The following HMCN2 variants were observed in gnomAD, a reference collection of about 807,000 sequenced individuals.
HMCN2 encodes the protein hemicentin 2.
In HMCN2, 325 loss-of-function variants were observed where a neutral mutation model predicts 377.5. That is an observed-to-expected ratio of 0.86 (90% confidence interval 0.79 to 0.94). HMCN2 has a LOEUF of 0.94. Among genes scored for constraint, HMCN2 ranks in the 40% least tolerant of loss-of-function variants. The pLI, the probability that HMCN2 is intolerant of heterozygous loss-of-function variation, is 0.00. For missense variants in HMCN2, 4,543 were observed against 4,725.3 expected (o/e 0.96, Z 1.13); for synonymous variants, 2,007 against 2,046.8 (o/e 0.98, Z 0.53).
rs781537648 is a variant in HMCN2, at chr9:130,355,762, G to A, written c.5163G>A (p.Leu1721=). Residue 1721 remains leucine, a synonymous_variant, in exon 33 of 98, where the codon CTG becomes CTA. Coordinates refer to ENST00000683500, the MANE Select transcript of HMCN2 (RefSeq NM_001291815.2). ...TGCCTGCAGTGCCCCCACAGCTCCT[G>A]GTGGCTGAAGGCTTGGGACAGGTGA... The part of the protein sequence containing the change: ...SVEVQVPPQL[L]VAEGLGQVTT... The A allele has an allele frequency of 1.5e-5, 19 of 1,303,362 alleles. No homozygotes were observed. The highest frequency in any genetic ancestry group is 1.9e-5 in the Non-Finnish European group (19 of 988,894). 80.7% of individuals were successfully genotyped at this position (1,303,362 alleles called of 1,614,324 possible). A position where few individuals can be genotyped will look rare whatever the true frequency, so the allele number is the denominator to read the frequency against.
intron 4 of HMCN2, among the ~76,000 whole-genome samples, chr9:130,291,192 A>G (rs1294615707): frequency 6.6e-6 from 1 of 152,150 alleles, no homozygotes; most frequent in Non-Finnish European, 1.5e-5. Flanking sequence ...GTCACAGCAT[A>G]CTTGCATACT....
At position 130,430,618 on chromosome 9, in the gene HMCN2, C is replaced by CT. The variant is rs1324451872; in HGVS notation, c.14647+15dup. On this transcript the variant is annotated intron_variant, in intron 95 of 97. Coordinates refer to ENST00000683500, the MANE Select transcript of HMCN2 (RefSeq NM_001291815.2). ...GAGTCTGCACAGGTAAGGCCAGGCC[C>CT]TGACCATCCACGGGACACTGCCGTT... The CT allele has an allele frequency of 6.5e-7, 1 of 1,538,572 alleles. No individual in the cohort carries two copies. The highest frequency in any genetic ancestry group is 2.0e-5 in the Admixed American group (1 of 50,342).
At chr9:130,384,572 A>C in intron 58 of HMCN2, 38 bp downstream of exon 58, 1 of 1,304,022 alleles carries the variant, frequency 7.7e-7, no homozygotes, top group Non-Finnish European at 1.0e-6. Context: ...CTCTAAGGTT[A>C]CATGGGGAGA....
chr9:130,293,790 G>A (rs531548154), intron 4 of HMCN2, among the ~76,000 whole-genome samples: 14 of 152,186 alleles, frequency 9.2e-5, no homozygotes, highest in Non-Finnish European at 1.9e-4. Context: ...AGGCCAGTAA[G>A]GATGAGAAGC....
Position 130,407,400 on chromosome 9 carries a change from G to A in HMCN2, c.12554-171G>A, listed in dbSNP as rs142877215. On this transcript the variant is annotated intron_variant, in intron 82 of 97. Coordinates refer to ENST00000683500, the MANE Select transcript of HMCN2 (RefSeq NM_001291815.2). ...ATGGTAGAAGGCAGGTTCATTAACC[G>A]CAGCCTCCAGTGTGGCCTGTGCCTC... is the stretch of plus-strand genomic sequence containing the variant. The A allele has an allele frequency of 1.3e-4, 55 of 420,868 alleles. 1 individual carries two copies. The highest frequency in any genetic ancestry group is 1.1e-3 in the South Asian group (53 of 47,914). 26.1% of individuals were successfully genotyped at this position (420,868 alleles called of 1,614,324 possible).
chr9:130,327,762 C>T lies in HMCN2; in HGVS notation c.3359+287C>T, dbSNP rs1311675293. ...CTGCACGGCCACCCTTGATATCTAACAGGACACTGACACTCAGCCAGGGAG... is the reference window on the plus strand; with the variant it reads ...CTGCACGGCCACCCTTGATATCTAATAGGACACTGACACTCAGCCAGGGAG... On this transcript the variant is annotated intron_variant, in intron 22 of 97. Coordinates refer to ENST00000683500, the MANE Select transcript of HMCN2 (RefSeq NM_001291815.2). Among the ~76,000 whole-genome samples, 3 of 152,224 alleles carry T rather than the reference C, an allele frequency of 2.0e-5. No homozygotes were observed. In the East Asian group the frequency reaches 5.8e-4, roughly 29 times the overall value.
At chr9:130,298,574 C>A (rs1836295316) in intron 7 of HMCN2, among the ~76,000 whole-genome samples, 1 of 152,136 alleles carries the variant, frequency 6.6e-6, no homozygotes, top group South Asian at 2.1e-4. Flanking sequence ...GTGAAAAGTA[C>A]CACATTTCCA....
Position 130,430,497 on chromosome 9 carries a change from C to A in HMCN2, c.14540C>A (p.Thr4847Asn). Reference protein sequence around the residue: ...WLRPWASIPGTSYHAWVSLRP... With the variant: ...WLRPWASIPGNSYHAWVSLRP... ...CGGCCCTGGGCCTCGATCCCCGGTA[C>A]CTCCTACCACGCCTGGGTCTCTCTC... Residue 4847 changes from threonine to asparagine, a missense_variant, in exon 95 of 98, where the codon ACC (threonine) becomes AAC (asparagine). Around this residue, in one of 5 missense-constraint regions of HMCN2, gnomAD observed 1,155 missense variants for 1,157.7 expected, o/e 1.00. Coordinates refer to ENST00000683500, the MANE Select transcript of HMCN2 (RefSeq NM_001291815.2). 3 of 1,550,592 alleles carry A rather than the reference C, an allele frequency of 1.9e-6. No individual in the cohort carries two copies. The highest frequency in any genetic ancestry group is 2.6e-6 in the Non-Finnish European group (3 of 1,146,964).
chr9:130,395,495 G>A (rs772800365), intron 71 of HMCN2, 148 bp downstream of exon 71: 31 of 658,426 alleles, frequency 4.7e-5, no homozygotes, highest in East Asian at 7.2e-5. Flanking sequence ...CATACCCCCC[G>A]CCATTGTCAT....
At position 130,399,764 on chromosome 9, in the gene HMCN2, G is replaced by T. The variant is rs1332101149; in HGVS notation, c.11605+132G>T. 7 of 556,690 alleles carry T rather than the reference G, an allele frequency of 1.3e-5. No individual in the cohort carries two copies. The South Asian group carries it at 1.4e-4, about 11-fold the overall frequency. The allele number at this position is 556,690 out of a possible 1,614,324, so 34.5% of individuals were successfully genotyped here. A position where few individuals can be genotyped will look rare whatever the true frequency, so the allele number is the denominator to read the frequency against. ...TGCACTGGACACCTCCTCCAGGAAG[G>T]TCTCTCAGATCCTGCTGGGCCACAC... On this transcript the variant is annotated intron_variant, in intron 76 of 97. Coordinates refer to ENST00000683500, the MANE Select transcript of HMCN2 (RefSeq NM_001291815.2).
intron 22 of HMCN2, among the ~76,000 whole-genome samples, chr9:130,328,301 T>C (rs1838254608): frequency 6.6e-6 from 1 of 152,108 alleles, no homozygotes; most frequent in Non-Finnish European, 1.5e-5. Context: ...GCTGCAGCTC[T>C]ATGTTGTAGG....
chr9:130,429,311 G>A lies in HMCN2; in HGVS notation c.14198-246G>A, dbSNP rs115395216. On this transcript the variant is annotated intron_variant, in intron 93 of 97. Coordinates refer to ENST00000683500, the MANE Select transcript of HMCN2 (RefSeq NM_001291815.2). Reference sequence around the variant, plus strand: ...AGGGCTAGAATATGGAGAGCTCAGCGGAACCCAGGACTCTGCCCACAAAGG... The same window carrying A: ...AGGGCTAGAATATGGAGAGCTCAGCAGAACCCAGGACTCTGCCCACAAAGG... The A allele has an allele frequency of 1.5e-3, 846 of 552,552 alleles. 2 individuals carry two copies. The highest frequency in any genetic ancestry group is 0.015 in the African/African-American group (800 of 52,538). The allele number at this position is 552,552 out of a possible 1,614,324, so 34.2% of individuals were successfully genotyped here. A position where few individuals can be genotyped will look rare whatever the true frequency, so the allele number is the denominator to read the frequency against.
At chr9:130,285,494 G>A (rs1835371913) in intron 3 of HMCN2, among the ~76,000 whole-genome samples, 178 bp downstream of exon 3, 1 of 152,222 alleles carries the variant, frequency 6.6e-6, no homozygotes, top group South Asian at 2.1e-4. Context: ...GTTGGCCCAG[G>A]AAGTGTGAGT....
Position 130,422,054 on chromosome 9 carries a change from C to T in HMCN2, c.13232-523C>T, listed in dbSNP as rs1291539131. On this transcript the variant is annotated intron_variant, in intron 86 of 97. Transcript: ENST00000683500. This position sits in a 1 kb window ranked among gnomAD's most constrained non-coding sequence, Gnocchi z 4.2. ...GAGCATCTGCTCACAGATGGCCTGG[C>T]GGGCAGCGGCTAGGAAACCAGCCCA... Among the ~76,000 whole-genome samples the T allele has an allele frequency of 1.6e-4, 25 of 152,190 alleles. No homozygotes were observed. The highest frequency in any genetic ancestry group is 6.5e-5 in the Admixed American group (1 of 15,282).
intron 22 of HMCN2, among the ~76,000 whole-genome samples, chr9:130,332,889 G>A (rs1472111490): frequency 1.3e-5 from 2 of 152,216 alleles, no homozygotes; most frequent in East Asian, 1.9e-4. Context: ...TGACTCTGGC[G>A]GGGAGTGCCG....
chr9:130,270,062 C>T (rs1437636416), intron 1 of HMCN2, among the ~76,000 whole-genome samples: 1 of 147,938 alleles, frequency 6.8e-6, no homozygotes, highest in Non-Finnish European at 1.5e-5. Context: ...CCACTCACCT[C>T]AGCCTCCCAA....
intron 21 of HMCN2, among the ~76,000 whole-genome samples, chr9:130,326,814 C>T (rs1378320250): frequency 6.6e-6 from 1 of 152,286 alleles, no homozygotes; most frequent in Admixed American, 6.5e-5. Flanking sequence ...GAAGGGTCTT[C>T]AGCTTAAGGT....
At chr9:130,354,633 GGA>G in intron 31 of HMCN2, 128 bp from the exon 32 acceptor site, 1 of 788,348 alleles carries the variant, frequency 1.3e-6, no homozygotes, top group Admixed American at 3.6e-5. Flanking sequence ...TTCAGCCACT[GGA>G]GGTGAGGGAA....
Position 130,423,104 on chromosome 9 carries a change from C to T in HMCN2, c.13381+378C>T, listed in dbSNP as rs1844115099. Among the ~76,000 whole-genome samples the T allele has an allele frequency of 6.6e-6, 1 of 152,172 alleles. No homozygotes were observed. Among genetic ancestry groups the T allele is most frequent in the Non-Finnish European group, 1.5e-5 (1 of 68,028 alleles). On this transcript the variant is annotated intron_variant, in intron 87 of 97. Coordinates refer to ENST00000683500, the MANE Select transcript of HMCN2 (RefSeq NM_001291815.2). The surrounding 1 kb of genome is among the most constrained non-coding windows in gnomAD (Gnocchi z 5.5). ...AGGCTGATGGAAGTGGAGGGATCTC[C>T]AGTCATGAGTGAGGGGTGCAGGCTG... is the stretch of plus-strand genomic sequence containing the variant.
Sources: gnomAD v4.1 joint callset for allele counts (sites outside exome capture counted in the v4.1 genomes callset) on GRCh38, gnomAD v4.1.1 for gene constraint, gnomAD v4.1.1 regional missense constraint, Gnocchi (gnomAD v3.1) non-coding constraint, MANE v1.5 for transcripts, NCBI Gene and HGNC (gene_info 2026-07-23, HGNC 2026-07-21) for gene names.